PLEKHG6: variants seen among roughly 807,000 people sequenced by gnomAD.
PLEKHG6 encodes pleckstrin homology and RhoGEF domain containing G6, also known as pleckstrin homology domain-containing family G member 6.
Under a neutral mutation model 97.5 loss-of-function variants are expected in PLEKHG6, and 91 were observed. That is an observed-to-expected ratio of 0.93 (90% CI 0.79 to 1.11). PLEKHG6 has a LOEUF of 1.11. Ranked by LOEUF, PLEKHG6 falls within the 50% of genes most tolerant of loss-of-function variation. The pLI is 0.00. For synonymous variants in PLEKHG6, 466 were observed against 425.5 expected (o/e 1.10, Z -1.17); for missense variants, 1,044 against 1,031.0 (o/e 1.01, Z -0.17).
At chr12:6,318,131 C>A in intron 10 of PLEKHG6, 137 bp downstream of exon 10, 2 of 1,361,712 alleles carry the variant, frequency 1.5e-6, no homozygotes, top group East Asian at 2.4e-5. Context: ...GGTGACAGTC[C>A]AAGGGGTACA....
Position 6,319,465 on chromosome 12 carries a change from A to G in PLEKHG6, c.1524+357A>G. 1.5e-6 allele frequency: 2 copies of G among 1,341,466 alleles called. 1 individual carries two copies. Among genetic ancestry groups the G allele is most frequent in the South Asian group, 3.1e-5 (2 of 65,400 alleles). 83.1% of individuals were successfully genotyped at this position (1,341,466 alleles called of 1,614,324 possible). A position where few individuals can be genotyped will look rare whatever the true frequency, so the allele number is the denominator to read the frequency against. On this transcript the variant is annotated intron_variant, in intron 13 of 15. Transcript: ENST00000684764. ...CCTGAAGAAGAAGGAAAAAAAAAAG[A>G]ATGTAGGAAGGAAGGAAGGAACGAA...
intron 13 of PLEKHG6, among the ~76,000 whole-genome samples, chr12:6,321,890 T>C (rs1450335252): frequency 6.6e-6 from 1 of 151,008 alleles, no homozygotes; most frequent in Non-Finnish European, 1.5e-5. Flanking sequence ...GGTTAAAGTC[T>C]ATACTGAATT....
chr12:6,313,682 C>G lies in PLEKHG6; in HGVS notation c.192C>G (p.Gly64=). 6.2e-7 allele frequency: 1 copy of G among 1,613,988 alleles called. No homozygotes were observed. The highest frequency in any genetic ancestry group is 2.2e-5 in the East Asian group (1 of 44,882). Residue 64 remains glycine (G), a synonymous_variant, in exon 3 of 16, where the codon GGC becomes GGG. Transcript: ENST00000684764. ...ATGTCCCCTTTGCCAGGGGTTCTGG[C>G]CAGGCCCGAGGCCTGTCACCCATGA... The part of the protein sequence containing the change: ...QQYVPFARGS[G]QARGLSPMRL...
Position 6,327,268 on chromosome 12 carries a change from C to T in PLEKHG6, c.1685C>T (p.Ser562Leu), listed in dbSNP as rs763554534. The T allele has an allele frequency of 9.4e-6, 15 of 1,596,952 alleles. No homozygotes were observed. Among genetic ancestry groups the T allele is most frequent in the Middle Eastern group, 1.7e-4 (1 of 6,022 alleles). The change falls in exon 15 of 16, where the codon TCG becomes TTG. Residue 562 changes from serine to leucine, a missense_variant. Ser to Leu is a moderately radical substitution (Grantham distance 145). Coordinates refer to ENST00000684764, the MANE Select transcript of PLEKHG6 (RefSeq NM_001384598.1). ...SSAEGRTPEF[S>L]TIIPHLVVTE... Reference sequence around the variant, plus strand: ...ATTAACTGTAGGACTCCTGAGTTCTCGACCATTATCCCCCACCTGGTGGTG... The same window carrying T: ...ATTAACTGTAGGACTCCTGAGTTCTTGACCATTATCCCCCACCTGGTGGTG...
chr12:6,312,167 G>T lies in PLEKHG6; in HGVS notation c.-60G>T. On this transcript the variant is annotated 5_prime_UTR_variant, in exon 2 of 16. Transcript: ENST00000684764. Reference sequence around the variant, plus strand: ...TCTTTTCTCTCTTGCAGCCCTAGGGGACCTCTTTCTCCTGGACATTGAAGA... The same window carrying T: ...TCTTTTCTCTCTTGCAGCCCTAGGGTACCTCTTTCTCCTGGACATTGAAGA... 1 of 1,382,884 alleles carries T rather than the reference G, an allele frequency of 7.2e-7. No individual in the cohort carries two copies. The highest frequency in any genetic ancestry group is 2.8e-5 in the East Asian group (1 of 35,968). The allele number at this position is 1,382,884 out of a possible 1,614,324, so 85.7% of individuals were successfully genotyped here.
rs1364799900 is a variant in PLEKHG6, at chr12:6,318,022, G to A, written c.1155+28G>A. 4 of 1,565,264 alleles carry A rather than the reference G, an allele frequency of 2.6e-6. No homozygotes were observed. In the South Asian group the frequency reaches 3.6e-5, roughly 14 times the overall value. On this transcript the variant is annotated intron_variant, in intron 10 of 15. Transcript: ENST00000684764. ...GAGAGGGCAAAGGGAAGGGACCCAG[G>A]AAAAGCAAGGTCCCAGGGATACTGG... is the stretch of plus-strand genomic sequence containing the variant.
At chr12:6,319,586 C>A (rs1947632636) in intron 13 of PLEKHG6, 1 of 1,535,966 alleles carries the variant, frequency 6.5e-7, no homozygotes, top group South Asian at 1.2e-5. Context: ...GAGGCAGAGC[C>A]TCCACCATCC....
chr12:6,317,813 G>T, intron 9 of PLEKHG6, 44 bp from the exon 10 acceptor site: 2 of 1,539,144 alleles, frequency 1.3e-6, no homozygotes, highest in Non-Finnish European at 1.8e-6. Flanking sequence ...GTTGGGAGGG[G>T]ACGGCTGAGC....
At chr12:6,322,939 C>A (rs892617098) in intron 13 of PLEKHG6, among the ~76,000 whole-genome samples, 1 of 152,172 alleles carries the variant, frequency 6.6e-6, no homozygotes, top group Non-Finnish European at 1.5e-5. Context: ...AGGGGGAGCC[C>A]AGGGACAAAA....
Position 6,319,496 on chromosome 12 carries a change from A to G in PLEKHG6, c.1524+388A>G, listed in dbSNP as rs1947627610. 4 of 1,459,696 alleles carry G rather than the reference A, an allele frequency of 2.7e-6. 1 individual carries two copies. The South Asian group carries it at 5.3e-5, about 20-fold the overall frequency. The allele number at this position is 1,459,696 out of a possible 1,614,324, so 90.4% of individuals were successfully genotyped here. ...GGAAGGAAGGAAGGAACGAATGAACATGGGAGCGCAGAGGGGAGGAGGAGA... is the reference window on the plus strand; with the variant it reads ...GGAAGGAAGGAAGGAACGAATGAACGTGGGAGCGCAGAGGGGAGGAGGAGA... On this transcript the variant is annotated intron_variant, in intron 13 of 15. Coordinates refer to ENST00000684764, the MANE Select transcript of PLEKHG6 (RefSeq NM_001384598.1).
chr12:6,327,550 G>T lies in PLEKHG6; in HGVS notation c.1967G>T (p.Gly656Val). 1.4e-6 allele frequency: 2 copies of T among 1,431,924 alleles called. No individual in the cohort carries two copies. The highest frequency in any genetic ancestry group is 1.9e-6 in the Non-Finnish European group (2 of 1,064,646). 88.7% of individuals were successfully genotyped at this position (1,431,924 alleles called of 1,614,324 possible). Residue 656 changes from glycine (G) to valine (V), a missense_variant, in exon 15 of 16, where the codon GGA (glycine) becomes GTA (valine). Coordinates refer to ENST00000684764, the MANE Select transcript of PLEKHG6 (RefSeq NM_001384598.1). ...GAACTGCCGGAAGGAATCCTAAAAG[G>T]AGGCAGTCTTCCCCAGGAAGACCCA... is the stretch of plus-strand genomic sequence containing the variant. ...APELPEGILKGGSLPQEDPPT... is the reference protein window; with the variant it reads ...APELPEGILKVGSLPQEDPPT...
At chr12:6,323,883 C>T (rs971132497) in intron 13 of PLEKHG6, among the ~76,000 whole-genome samples, 2 of 152,130 alleles carry the variant, frequency 1.3e-5, no homozygotes, top group African/African-American at 4.8e-5. Flanking sequence ...ACTGGGGAAA[C>T]GCATCCGCAT....
At chr12:6,312,523 A>G in intron 2 of PLEKHG6, 159 bp downstream of exon 2, 1 of 1,107,248 alleles carries the variant, frequency 9.0e-7, no homozygotes, top group Non-Finnish European at 1.2e-6. Flanking sequence ...GGGCAGTGAC[A>G]GGGCCAGGCT....
Position 6,327,487 on chromosome 12 carries a change from C to T in PLEKHG6, c.1904C>T (p.Pro635Leu). 6.2e-7 allele frequency: 1 copy of T among 1,600,700 alleles called. No individual in the cohort carries two copies. The highest frequency in any genetic ancestry group is 1.1e-5 in the South Asian group (1 of 90,684). ...CGGGACATCCCTCTGCGTCCCCACC[C>T]TCCCGACCCCCAAGCTCCTCAACGC... ...ELRDIPLRPHPPDPQAPQRRS... is the reference protein window; with the variant it reads ...ELRDIPLRPHLPDPQAPQRRS... The change falls in exon 15 of 16, where the codon CCT becomes CTT. Residue 635 changes from proline (P) to leucine (L), a missense_variant. Transcript: ENST00000684764.
At position 6,317,289 on chromosome 12, in the gene PLEKHG6, A is replaced by G; in HGVS notation, c.757-14A>G. 2 of 1,563,794 alleles carry G rather than the reference A, an allele frequency of 1.3e-6. No individual in the cohort carries two copies. The highest frequency in any genetic ancestry group is 1.8e-6 in the Non-Finnish European group (2 of 1,134,368). On this transcript the variant is annotated splice_polypyrimidine_tract_variant and intron_variant, in intron 7 of 15. Transcript: ENST00000684764. ...CCCATGCCTGCTCCCCACCTCCCGT[A>G]TCTGTCTCTCCAGTTTGGCCAGCGG...
rs1429756607 is a variant in PLEKHG6, at chr12:6,316,827, C to G, written c.756+423C>G. On this transcript the variant is annotated intron_variant, in intron 7 of 15. Coordinates refer to ENST00000684764, the MANE Select transcript of PLEKHG6 (RefSeq NM_001384598.1). This position sits in a 1 kb window ranked among gnomAD's most constrained non-coding sequence, Gnocchi z 4.1. The stretch of plus-strand genomic sequence containing the variant: ...GACTTTCTTCTACAATGTTACCTAG[C>G]CAGGAAAATGTGGGCCCTGCAGGAA... 1.1e-4 allele frequency among the ~76,000 whole-genome samples: 17 copies of G among 152,132 alleles called. No homozygotes were observed. Among genetic ancestry groups the G allele is most frequent in the Admixed American group, 1.0e-3 (16 of 15,276 alleles).
At position 6,317,684 on chromosome 12, in the gene PLEKHG6, C is replaced by A. The variant is rs760049366; in HGVS notation, c.1005C>A (p.Ala335=). The A allele has an allele frequency of 5.0e-6, 8 of 1,613,440 alleles. No individual in the cohort carries two copies. The highest frequency in any genetic ancestry group is 6.8e-6 in the Non-Finnish European group (8 of 1,179,994). ...KRSPEARAQE[A]LNAMIEAVES... ...GCCCCGAGGCACGAGCCCAAGAGGC[C>A]CTGAATGCCATGGTAGGTGCCCCAG... The change falls in exon 9 of 16, where the codon GCC becomes GCA. Residue 335 remains alanine (A), a synonymous_variant. Coordinates refer to ENST00000684764, the MANE Select transcript of PLEKHG6 (RefSeq NM_001384598.1).
chr12:6,327,781 TG>T lies in PLEKHG6; in HGVS notation c.2199del (p.Met733IlefsTer33). On this transcript the variant is annotated frameshift_variant, in exon 15 of 16. Transcript: ENST00000684764. LOFTEE classifies it high-confidence loss of function. Reference protein sequence around the residue: ...LKAGHTSLRPMRAEDMLREIR... With the variant: ...LKAGHTSLRPXRAEDMLREIR... ...GCTGGCCACACATCCCTGCGCCCAA[TG>T]CGGGCTGAGGACATGCTCAGAGAGA... 1 of 1,528,628 alleles carries T rather than the reference TG, an allele frequency of 6.5e-7. No individual in the cohort carries two copies. Among genetic ancestry groups the T allele is most frequent in the East Asian group, 2.3e-5 (1 of 44,186 alleles). 94.7% of individuals were successfully genotyped at this position (1,528,628 alleles called of 1,614,324 possible).
intron 11 of PLEKHG6, 41 bp from the exon 12 acceptor site, chr12:6,318,704 C>G (rs752941274): frequency 1.2e-6 from 2 of 1,604,986 alleles, no homozygotes; most frequent in Middle Eastern, 1.7e-4. Flanking sequence ...GCCCCTGGCT[C>G]CAGCTGACCC....
Sources: allele counts gnomAD v4.1 joint callset (sites outside exome capture counted in the v4.1 genomes callset), GRCh38; gene constraint gnomAD v4.1.1; non-coding constraint Gnocchi (gnomAD v3.1); transcripts MANE v1.5; gene names NCBI Gene and HGNC (gene_info 2026-07-23, HGNC 2026-07-21).